The following ZMYND11 variants were observed in gnomAD, a reference collection of about 807,000 sequenced individuals.
ZMYND11 encodes zinc finger MYND domain-containing protein 11.
A neutral mutation model predicts 84.9 loss-of-function variants in ZMYND11; 9 were observed. The ratio of observed to expected loss-of-function variants is 0.11; its 90% confidence interval spans 0.06 to 0.18. The LOEUF (loss-of-function observed/expected upper bound fraction) is 0.18. ZMYND11 is among the 10% of genes least tolerant of loss of function. The pLI, the probability that ZMYND11 is intolerant of heterozygous loss-of-function variation, is 1.00. For synonymous variants in ZMYND11, 250 were observed against 244.1 expected (o/e 1.02, Z -0.23); for missense variants, 409 against 761.0 (o/e 0.54, Z 5.44).
chr10:178,542 T>A (rs2131761674), intron 1 of ZMYND11, among the ~76,000 whole-genome samples: 1 of 152,334 alleles, frequency 6.6e-6, no homozygotes, highest in South Asian at 2.1e-4. Context: ...TTTTTGTACA[T>A]TTAAAAGTGA....
chr10:244,210 A>G (rs888146837), intron 10 of ZMYND11, among the ~76,000 whole-genome samples: 4 of 152,182 alleles, frequency 2.6e-5, no homozygotes, highest in Non-Finnish European at 5.9e-5. Flanking sequence ...ATAATCATGA[A>G]TTTTTAATTA....
intron 1 of ZMYND11, among the ~76,000 whole-genome samples, chr10:162,785 A>C (rs1208591135): frequency 6.6e-6 from 1 of 152,170 alleles, no homozygotes; most frequent in Non-Finnish European, 1.5e-5. Context: ...TTGTAGCATA[A>C]ATTTACATGT....
At chr10:229,434 TAAAAA>T (rs1327390287) in intron 4 of ZMYND11, among the ~76,000 whole-genome samples, 1 of 152,138 alleles carries the variant, frequency 6.6e-6, no homozygotes, top group Non-Finnish European at 1.5e-5. Context: ...TCTTATAAGT[TAAAAA>T]AACTACTCTC....
At chr10:189,068 A>G (rs897273562) in intron 2 of ZMYND11, among the ~76,000 whole-genome samples, 1 of 152,248 alleles carries the variant, frequency 6.6e-6, no homozygotes, top group African/African-American at 2.4e-5. Flanking sequence ...GTTTCAGGTT[A>G]GGGCATCAAT....
intron 2 of ZMYND11, among the ~76,000 whole-genome samples, chr10:187,764 CGAT>C (rs1166593863): frequency 2.0e-5 from 3 of 152,058 alleles, no homozygotes; most frequent in African/African-American, 7.2e-5. Context: ...TTTTGATTAA[CGAT>C]GAAACTGCCC....
intron 3 of ZMYND11, among the ~76,000 whole-genome samples, chr10:216,681 A>G (rs909753203): frequency 3.9e-5 from 6 of 152,128 alleles, no homozygotes; most frequent in African/African-American, 1.4e-4. Flanking sequence ...GTGCATTTAA[A>G]CTATAATATA....
At chr10:132,128 G>C (rs112418461), upstream of ZMYND11, among the ~76,000 whole-genome samples, 126 of 152,074 alleles carry the variant, frequency 8.3e-4, no homozygotes, top group African/African-American at 2.9e-3. Context: ...ACTGTTATCA[G>C]AAGTCAGAAA....
At chr10:250,519 T>A (rs1953219492) in intron 14 of ZMYND11, among the ~76,000 whole-genome samples, 1 of 151,270 alleles carries the variant, frequency 6.6e-6, no homozygotes, top group Non-Finnish European at 1.5e-5. Flanking sequence ...TGAGTAGAAA[T>A]CTCTTAAGTT....
chr10:199,409 T>C (rs1457567738), intron 2 of ZMYND11, among the ~76,000 whole-genome samples: 1 of 151,884 alleles, frequency 6.6e-6, no homozygotes, highest in Admixed American at 6.6e-5. Flanking sequence ...ATCTTATCCT[T>C]ATTATATACA....
chr10:242,930 A>G (rs547191046), intron 10 of ZMYND11, among the ~76,000 whole-genome samples: 25 of 152,370 alleles, frequency 1.6e-4, no homozygotes, highest in African/African-American at 5.8e-4. Flanking sequence ...TGACACTGTC[A>G]TGTCAAGAAA....
At chr10:220,294 A>G (rs959576616) in intron 3 of ZMYND11, among the ~76,000 whole-genome samples, 2 of 152,188 alleles carry the variant, frequency 1.3e-5, no homozygotes, top group Non-Finnish European at 2.9e-5. Flanking sequence ...TTTGGTTACT[A>G]CATCTACAAA....
chr10:217,239 T>C (rs1466069727), intron 3 of ZMYND11, among the ~76,000 whole-genome samples: 1 of 152,228 alleles, frequency 6.6e-6, no homozygotes, highest in East Asian at 1.9e-4. Context: ...ATCTAGCATA[T>C]AGAAGCATTG....
At chr10:227,440 T>C (rs1948321487) in intron 4 of ZMYND11, among the ~76,000 whole-genome samples, 1 of 152,204 alleles carries the variant, frequency 6.6e-6, no homozygotes, top group South Asian at 2.1e-4. Context: ...GGAGTCCACC[T>C]GGAGCTTTAT....
intron 1 of ZMYND11, among the ~76,000 whole-genome samples, chr10:166,088 C>G (rs1843945014): frequency 1.3e-5 from 2 of 152,074 alleles, no homozygotes; most frequent in African/African-American, 4.8e-5. Context: ...TACCTCACAT[C>G]ACATATAAAA....
At chr10:245,539 A>C (rs1390938788) in intron 10 of ZMYND11, among the ~76,000 whole-genome samples, 1 of 152,234 alleles carries the variant, frequency 6.6e-6, no homozygotes, top group Non-Finnish European at 1.5e-5. Flanking sequence ...ACGTGTGTTT[A>C]TAGTACCATA....
chr10:251,086 T>C (rs1953389431), intron 14 of ZMYND11, among the ~76,000 whole-genome samples: 1 of 152,182 alleles, frequency 6.6e-6, no homozygotes, highest in Non-Finnish European at 1.5e-5. Flanking sequence ...AGAGTAGTAT[T>C]ATAGGACAGA....
chr10:241,983 TAAAA>T (rs1951056493), intron 9 of ZMYND11, 34 bp from the exon 10 acceptor site: 1 of 1,606,388 alleles, frequency 6.2e-7, no homozygotes, highest in African/African-American at 1.3e-5. Context: ...TTTAATACTT[TAAAA>T]GTAATATAAC....
At chr10:132,407 T>C (rs1395348766), upstream of ZMYND11, among the ~76,000 whole-genome samples, 5 of 151,946 alleles carry the variant, frequency 3.3e-5, no homozygotes, top group Admixed American at 6.6e-5. Context: ...TGTCTCTTAC[T>C]GAATGTTTCT....
At chr10:157,892 C>T (rs1199252829) in intron 1 of ZMYND11, among the ~76,000 whole-genome samples, 2 of 152,192 alleles carry the variant, frequency 1.3e-5, no homozygotes, top group Non-Finnish European at 2.9e-5. Context: ...CTCACCCGAT[C>T]CCCGGGCACC....
Sources: gnomAD v4.1 joint callset for allele counts (sites outside exome capture counted in the v4.1 genomes callset) on GRCh38, gnomAD v4.1.1 for gene constraint, MANE v1.5 for transcripts, NCBI Gene and HGNC (gene_info 2026-07-23, HGNC 2026-07-21) for gene names.